STAB1: variants seen among roughly 807,000 people sequenced by gnomAD.
STAB1 encodes the protein stabilin 1, also known as stabilin-1.
STAB1 carries 250 observed loss-of-function variants against 332.4 expected under a neutral mutation model. The observed-to-expected ratio is 0.75, with a 90% CI of 0.68 to 0.84. The LOEUF (loss-of-function observed/expected upper bound fraction) is 0.84. Among genes scored for constraint, STAB1 ranks in the 40% least tolerant of loss-of-function variants. STAB1 has a pLI of 0.00. For missense variants in STAB1, 3,249 were observed against 3,489.7 expected (o/e 0.93, Z 1.74); for synonymous variants, 1,475 against 1,390.4 (o/e 1.06, Z -1.35).
chr3:52,513,641 C>G, intron 30 of STAB1, 76 bp from the exon 31 acceptor site: 1 of 1,470,150 alleles, frequency 6.8e-7, no homozygotes, highest in Admixed American at 1.9e-5. Flanking sequence ...GCCTGGCAGT[C>G]TCTCTGTTGG....
At chr3:52,508,754 G>A (rs1031058200) in intron 21 of STAB1, among the ~76,000 whole-genome samples, 9 of 151,938 alleles carry the variant, frequency 5.9e-5, no homozygotes, top group Non-Finnish European at 1.2e-4. Context: ...CCTGGGAGGC[G>A]GAGGTTGCAG....
At chr3:52,510,306 T>C (rs1162945149) in intron 24 of STAB1, 43 bp from the exon 25 acceptor site, 1 of 1,613,734 alleles carries the variant, frequency 6.2e-7, no homozygotes, top group Non-Finnish European at 8.5e-7. Context: ...GCCCTCTGCC[T>C]ACGTTCTTGT....
rs745575098 is a variant in STAB1, at chr3:52,495,367, T to G, written c.-47T>G. ...CTGTGCTGTGCCTGCCTCCTAGAGC[T>G]CATTCCCTACGCCCCGACTCTGTCC... On this transcript the variant is annotated 5_prime_UTR_variant, in exon 1 of 69. Transcript: ENST00000321725. 1.6e-6 allele frequency: 2 copies of G among 1,289,052 alleles called. No individual in the cohort carries two copies. Among genetic ancestry groups the G allele is most frequent in the African/African-American group, 1.5e-5 (1 of 65,864 alleles). The allele number at this position is 1,289,052 out of a possible 1,614,324, so 79.9% of individuals were successfully genotyped here.
intron 1 of STAB1, among the ~76,000 whole-genome samples, chr3:52,496,888 G>A (rs1037142323): frequency 2.6e-5 from 4 of 152,176 alleles, no homozygotes; most frequent in South Asian, 4.1e-4. Flanking sequence ...CTGCATAGCC[G>A]AGAGCCACTG....
Position 52,501,646 on chromosome 3 carries a change from T to C in STAB1, c.224T>C (p.Val75Ala). The change falls in exon 3 of 69, where the codon GTA (valine) becomes GCA (alanine). Residue 75 changes from valine (V) to alanine (A), a missense_variant. Physicochemically the swap from Val to Ala is moderately conservative, Grantham distance 64. Coordinates refer to ENST00000321725, the MANE Select transcript of STAB1 (RefSeq NM_015136.3). ...CCACCCTCTGCCCCCAGCTACGAAG[T>C]ACAGCTGGGGGGCTCTATGGTGTCC... ...DQITQDCRYE[V>A]QLGGSMVSMS... 1 of 1,562,560 alleles carries C rather than the reference T, an allele frequency of 6.4e-7. No homozygotes were observed.
chr3:52,519,169 G>T, intron 48 of STAB1, 95 bp from the exon 49 acceptor site: 1 of 1,514,654 alleles, frequency 6.6e-7, no homozygotes, highest in South Asian at 1.2e-5. Flanking sequence ...CCTGCACCCT[G>T]ACTTGCCCAA....
chr3:52,516,535 C>A lies in STAB1; in HGVS notation c.4241-7C>A. ...TGAATGACCAGAGTCATCCTCCTGC[C>A]CCCCAGAAATCACCAGCCCTCAGTG... On this transcript the variant is annotated splice_region_variant and splice_polypyrimidine_tract_variant and intron_variant, in intron 39 of 68. Coordinates refer to ENST00000321725, the MANE Select transcript of STAB1 (RefSeq NM_015136.3). The A allele has an allele frequency of 6.2e-7, 1 of 1,613,306 alleles. No homozygotes were observed. Among genetic ancestry groups the A allele is most frequent in the Non-Finnish European group, 8.5e-7 (1 of 1,179,978 alleles).
rs910817095 is a variant in STAB1 at position 52,518,454 on chromosome 3, T to C, written c.4810-82T>C. 31 of 1,566,214 alleles carry C rather than the reference T, an allele frequency of 2.0e-5. 1 individual carries two copies. The South Asian group carries it at 3.6e-4, about 18-fold the overall frequency. ...TCAGGGGGTTGGCTGGTTTGTTCTCTCTGAGTCCAGGTCTTCCCCAGGAGA... is the reference window on the plus strand; with the variant it reads ...TCAGGGGGTTGGCTGGTTTGTTCTCCCTGAGTCCAGGTCTTCCCCAGGAGA... On this transcript the variant is annotated intron_variant, in intron 46 of 68. Transcript: ENST00000321725.
Position 52,523,979 on chromosome 3 carries a change from C to A in STAB1, c.7504C>A (p.Arg2502=). Residue 2502 remains arginine, a synonymous_variant, in exon 67 of 69, where the codon CGA becomes AGA. Transcript: ENST00000321725. ...GGCCGGAGCTCTCTACCTCCGTGCC[C>A]GAGGCAAGCCCATGGGCTTTGGCTT... ...LVAGALYLRA[R]GKPMGFGFSA... 6.2e-7 allele frequency: 1 copy of A among 1,611,882 alleles called. No individual in the cohort carries two copies. The highest frequency in any genetic ancestry group is 8.5e-7 in the Non-Finnish European group (1 of 1,179,884).
chr3:52,518,205 C>A, intron 45 of STAB1, 107 bp from the exon 46 acceptor site: 1 of 1,567,400 alleles, frequency 6.4e-7, no homozygotes. Flanking sequence ...CGCGGCTTTC[C>A]TTTCCTCATG....
At chr3:52,515,955 C>T in intron 37 of STAB1, 88 bp from the exon 38 acceptor site, 4 of 1,423,018 alleles carry the variant, frequency 2.8e-6, no homozygotes, top group Non-Finnish European at 3.7e-6. Context: ...TGCTCCATGG[C>T]TCTGTGGCCC....
rs1348196327 is a variant in STAB1, at chr3:52,516,076, CTGTG to C, written c.3985_3988del (p.Cys1329SerfsTer7). On this transcript the variant is annotated frameshift_variant, in exon 38 of 69. Coordinates refer to ENST00000321725, the MANE Select transcript of STAB1 (RefSeq NM_015136.3). LOFTEE classifies it high-confidence loss of function. ...CTGCTGCCCTGGTTTCTTTGGCACG[CTGTG>C]TGAGCCATGCCCAGGGGGTCTAGGG... 1 of 1,611,174 alleles carries C rather than the reference CTGTG, an allele frequency of 6.2e-7. No individual in the cohort carries two copies. The highest frequency in any genetic ancestry group is 8.5e-7 in the Non-Finnish European group (1 of 1,179,042).
Position 52,521,883 on chromosome 3 carries a change from C to G in STAB1, c.6203C>G (p.Ala2068Gly), listed in dbSNP as rs2079083461. 1 of 1,606,914 alleles carries G rather than the reference C, an allele frequency of 6.2e-7. No homozygotes were observed. Among genetic ancestry groups the G allele is most frequent in the East Asian group, 2.2e-5 (1 of 44,760 alleles). The change falls in exon 58 of 69, where the codon GCT becomes GGT. Residue 2068 changes from alanine (A) to glycine (G), a missense_variant. By Grantham distance (60) the Ala-to-Gly change is moderately conservative. Coordinates refer to ENST00000321725, the MANE Select transcript of STAB1 (RefSeq NM_015136.3). ...TGTACCCCACCCTGTGCACCCGAGG[C>G]TGTGTGCCGTGCAGGCAACAGCTGT... ...PVCTPPCAPE[A>G]VCRAGNSCEC... is the part of the protein sequence containing the mutation.
chr3:52,523,567 G>A lies in STAB1; in HGVS notation c.7281G>A (p.Trp2427Ter). 2 of 1,612,782 alleles carry A rather than the reference G, an allele frequency of 1.2e-6. No individual in the cohort carries two copies. The highest frequency in any genetic ancestry group is 1.1e-5 in the South Asian group (1 of 91,088). The change falls in exon 65 of 69, where the codon TGG (tryptophan) becomes TGA (stop). Residue 2427 changes from tryptophan (W) to a stop codon, truncating the protein, a stop_gained. Transcript: ENST00000321725. LOFTEE classifies it high-confidence loss of function. ...ACGCAGGCCCTGACAACAGTTCCTG[G>A]GCCCCTGTGGTGAGTCTGGCCACTG... ...ISDAGPDNSS[W>*]APVAPGTVVV...
Position 52,522,966 on chromosome 3 carries a change from T to C in STAB1, c.6910+26T>C, listed in dbSNP as rs369797146. Reference sequence around the variant, plus strand: ...GTGTGTCCACCCGACCAAACCCTACTTCCCCTGCTCTGCCCCTTCCCACCA... The same window carrying C: ...GTGTGTCCACCCGACCAAACCCTACCTCCCCTGCTCTGCCCCTTCCCACCA... On this transcript the variant is annotated intron_variant, in intron 62 of 68. Transcript: ENST00000321725. 7.3e-5 allele frequency: 117 copies of C among 1,607,374 alleles called. 3 individuals are homozygous for C. Among genetic ancestry groups the C allele is most frequent in the East Asian group, 5.8e-4 (26 of 44,756 alleles).
At chr3:52,519,133 G>A (rs1451578255) in intron 48 of STAB1, 131 bp from the exon 49 acceptor site, 5 of 1,002,882 alleles carry the variant, frequency 5.0e-6, no homozygotes, top group African/African-American at 1.7e-5. Flanking sequence ...CGCCCACCTC[G>A]TCCTGGTCCC....
Position 52,518,472 on chromosome 3 carries a change from C to T in STAB1, c.4810-64C>T, listed in dbSNP as rs997260043. On this transcript the variant is annotated intron_variant, in intron 46 of 68. Transcript: ENST00000321725. ...TGTTCTCTCTGAGTCCAGGTCTTCC[C>T]CAGGAGATCCATGGACGCCTCAGGC... is the stretch of plus-strand genomic sequence containing the variant. The T allele has an allele frequency of 5.1e-6, 8 of 1,561,770 alleles. No homozygotes were observed. The Admixed American group carries it at 1.3e-4, about 26-fold the overall frequency.
Position 52,523,709 on chromosome 3 carries a change from G to A in STAB1, c.7348G>A (p.Gly2450Ser), listed in dbSNP as rs774180428. The change falls in exon 66 of 69, where the codon GGC becomes AGC. Residue 2450 changes from glycine to serine, a missense_variant. Physicochemically the swap from Gly to Ser is moderately conservative, Grantham distance 56 (BLOSUM62 0). Coordinates refer to ENST00000321725, the MANE Select transcript of STAB1 (RefSeq NM_015136.3). ...IIVWDIMAFN[G>S]IIHALASPLL... ...TGTGTGGGACATCATGGCCTTCAAT[G>A]GCATCATCCATGCTCTGGCCAGCCC... 2.5e-6 allele frequency: 4 copies of A among 1,610,164 alleles called. No homozygotes were observed. The highest frequency in any genetic ancestry group is 3.4e-6 in the Non-Finnish European group (4 of 1,177,818).
Position 52,512,855 on chromosome 3 carries a change from C to G in STAB1, c.3055C>G (p.Arg1019Gly), listed in dbSNP as rs748986896. 5.0e-6 allele frequency: 8 copies of G among 1,610,246 alleles called. No individual in the cohort carries two copies. Among genetic ancestry groups the G allele is most frequent in the Middle Eastern group, 1.7e-4 (1 of 6,058 alleles). The change falls in exon 29 of 69, where the codon CGC becomes GGC. Residue 1019 changes from arginine (R) to glycine (G), a missense_variant. Physicochemically the swap from Arg to Gly is moderately radical, Grantham distance 125. Transcript: ENST00000321725. ...KSAGITLPAD[R>G]RVTALVPSEA... The stretch of plus-strand genomic sequence containing the variant: ...TGCCGGCATCACGCTTCCTGCCGAC[C>G]GCCGAGTCACAGCCCTGGTGCCCTC...
Sources: allele counts gnomAD v4.1 joint callset (sites outside exome capture counted in the v4.1 genomes callset), GRCh38; gene constraint gnomAD v4.1.1; transcripts MANE v1.5; gene names NCBI Gene and HGNC (gene_info 2026-07-23, HGNC 2026-07-21).